The following STAU2 variants were observed in gnomAD, a reference collection of about 807,000 sequenced individuals.
STAU2 encodes staufen double-stranded RNA binding protein 2.
In STAU2, 20 loss-of-function variants were observed where a neutral mutation model predicts 65.9. That is an observed-to-expected ratio of 0.30 (90% CI 0.21 to 0.44). STAU2 has a LOEUF of 0.44. STAU2 is among the 20% of genes least tolerant of loss of function. The pLI, the probability that STAU2 is intolerant of heterozygous loss-of-function variation, is 1.00. For synonymous variants in STAU2, 232 were observed against 233.9 expected (o/e 0.99, Z 0.07); for missense variants, 558 against 683.9 (o/e 0.82, Z 2.05).
chr8:73,478,269 C>G (rs953965523), intron 13 of STAU2, among the ~76,000 whole-genome samples: 1 of 90,192 alleles, frequency 1.1e-5, no homozygotes, highest in African/African-American at 4.7e-5. Context: ...TTGGGCCACA[C>G]ATAAAATACA....
At chr8:73,726,371 AC>A (rs1805634335) in intron 3 of STAU2, among the ~76,000 whole-genome samples, 2 of 152,194 alleles carry the variant, frequency 1.3e-5, no homozygotes, top group Admixed American at 1.3e-4. Flanking sequence ...CTCAGAAATC[AC>A]CACTAAAGAA....
intron 13 of STAU2, among the ~76,000 whole-genome samples, chr8:73,465,708 G>A (rs1234453519): frequency 2.0e-5 from 3 of 152,218 alleles, no homozygotes; most frequent in Admixed American, 6.5e-5. Context: ...GCTCACTGGC[G>A]TGTGCATATG....
chr8:73,666,969 T>A (rs975183183), intron 6 of STAU2, among the ~76,000 whole-genome samples: 11 of 152,200 alleles, frequency 7.2e-5, no homozygotes, highest in African/African-American at 2.2e-4. Context: ...AGTGATAAAA[T>A]GACTCCTAAA....
intron 6 of STAU2, among the ~76,000 whole-genome samples, chr8:73,659,915 G>T (rs1349764719): frequency 6.6e-6 from 1 of 152,052 alleles, no homozygotes; most frequent in Non-Finnish European, 1.5e-5. Flanking sequence ...AACTTGAGGG[G>T]AGAAAAACTT....
At chr8:73,705,498 C>T (rs1221244757) in intron 4 of STAU2, among the ~76,000 whole-genome samples, 1 of 152,074 alleles carries the variant, frequency 6.6e-6, no homozygotes, top group Non-Finnish European at 1.5e-5. Context: ...AAGAAAATAC[C>T]ATTTTATGTT....
intron 13 of STAU2, among the ~76,000 whole-genome samples, chr8:73,449,610 G>A (rs1441431805): frequency 6.6e-6 from 1 of 152,204 alleles, no homozygotes; most frequent in African/African-American, 2.4e-5. Flanking sequence ...CTGGAACCAG[G>A]GCAGCAGCGA....
chr8:73,473,491 G>A (rs1373719131), intron 13 of STAU2, among the ~76,000 whole-genome samples: 4 of 152,140 alleles, frequency 2.6e-5, no homozygotes, highest in Non-Finnish European at 5.9e-5. Flanking sequence ...AAATCCACAC[G>A]CCTCAAGTCC....
At chr8:73,662,246 G>T (rs1816884133) in intron 6 of STAU2, among the ~76,000 whole-genome samples, 2 of 152,072 alleles carry the variant, frequency 1.3e-5, no homozygotes, top group Admixed American at 6.5e-5. Context: ...TGAGTTGTAG[G>T]TATTCCTTTA....
At chr8:73,459,923 G>T (rs1819261686) in intron 13 of STAU2, among the ~76,000 whole-genome samples, 1 of 152,172 alleles carries the variant, frequency 6.6e-6, no homozygotes. Flanking sequence ...GGGGCCTCCT[G>T]CGTCCCCAGC....
intron 12 of STAU2, among the ~76,000 whole-genome samples, chr8:73,559,628 C>T (rs1808045628): frequency 6.6e-6 from 1 of 152,200 alleles, no homozygotes; most frequent in Non-Finnish European, 1.5e-5. Flanking sequence ...CCTACTGGAC[C>T]ACCATGGTCA....
chr8:73,692,255 T>C (rs1819378365), intron 4 of STAU2, among the ~76,000 whole-genome samples: 2 of 151,750 alleles, frequency 1.3e-5, no homozygotes, highest in Non-Finnish European at 2.9e-5. Flanking sequence ...TTGGAGTGCA[T>C]GGCACAATCT....
intron 6 of STAU2, among the ~76,000 whole-genome samples, chr8:73,659,095 A>G (rs1246268022): frequency 6.6e-6 from 1 of 152,162 alleles, no homozygotes; most frequent in East Asian, 1.9e-4. Context: ...ACGTTTTTTG[A>G]TTCATAAAGG....
At chr8:73,628,845 T>C (rs886887278) in intron 6 of STAU2, among the ~76,000 whole-genome samples, 4 of 152,196 alleles carry the variant, frequency 2.6e-5, no homozygotes, top group Non-Finnish European at 5.9e-5. Flanking sequence ...TCCAAGAAGT[T>C]TAAAAACTGT....
chr8:73,421,401 C>G lies in STAU2; in HGVS notation c.1684G>C (p.Asp562His). ...NQAPPGSIAQ[D>H]CKKSNSAV ...ACGGCCGAGTTTGATTTCTTGCAGT[C>G]CTGAGCGATGGAGCCCGGGGGTGCC... Residue 562 changes from aspartate to histidine, a missense_variant, in exon 15 of 15, where the codon GAC (aspartate) becomes CAC (histidine). Asp to His is a moderately conservative substitution (Grantham distance 81, BLOSUM62 -1). Coordinates refer to ENST00000524300, the MANE Select transcript of STAU2 (RefSeq NM_001164380.2). 6 of 1,537,220 alleles carry G rather than the reference C, an allele frequency of 3.9e-6. No homozygotes were observed. Among genetic ancestry groups the G allele is most frequent in the Non-Finnish European group, 5.2e-6 (6 of 1,146,902 alleles).
At chr8:73,548,274 T>C (rs1585981426) in intron 13 of STAU2, among the ~76,000 whole-genome samples, 1 of 148,186 alleles carries the variant, frequency 6.7e-6, no homozygotes, top group African/African-American at 2.5e-5. Context: ...AAAAAGCTGC[T>C]GCAAATAGCC....
chr8:73,616,507 C>T (rs1473881850), intron 7 of STAU2, among the ~76,000 whole-genome samples: 1 of 152,052 alleles, frequency 6.6e-6, no homozygotes, highest in Non-Finnish European at 1.5e-5. Context: ...AAGTAAGAAG[C>T]TCACTATGCT....
chr8:73,441,863 G>A (rs1818168801), intron 13 of STAU2, among the ~76,000 whole-genome samples: 1 of 152,168 alleles, frequency 6.6e-6, no homozygotes, highest in Non-Finnish European at 1.5e-5. Context: ...CTTGTTTTAT[G>A]TCAATTATAT....
intron 12 of STAU2, among the ~76,000 whole-genome samples, chr8:73,576,603 T>C (rs996623942): frequency 6.6e-6 from 1 of 152,146 alleles, no homozygotes; most frequent in African/African-American, 2.4e-5. Context: ...GTCTAGTTCT[T>C]AAATTGGGCG....
At chr8:73,472,693 T>C (rs1820099415) in intron 13 of STAU2, among the ~76,000 whole-genome samples, 1 of 151,956 alleles carries the variant, frequency 6.6e-6, no homozygotes, top group Non-Finnish European at 1.5e-5. Flanking sequence ...ATGGCTCATA[T>C]AATAGAGAGA....
Sources: allele counts gnomAD v4.1 joint callset (sites outside exome capture counted in the v4.1 genomes callset), GRCh38; gene constraint gnomAD v4.1.1; transcripts MANE v1.5; gene names NCBI Gene and HGNC (gene_info 2026-07-23, HGNC 2026-07-21).